The following CSMD1 variants were observed in gnomAD, a reference collection of about 807,000 sequenced individuals.
CSMD1 encodes the protein CUB and Sushi multiple domains 1.
A neutral mutation model predicts 417.5 loss-of-function variants in CSMD1; 213 were observed. The ratio of observed to expected loss-of-function variants is 0.51; its 90% CI spans 0.46 to 0.57. CSMD1 has a LOEUF of 0.57. Among genes scored for constraint, CSMD1 ranks in the 20% least tolerant of loss-of-function variants. The pLI is 0.00. For synonymous variants in CSMD1, 2,862 were observed against 1,736.8 expected (o/e 1.65, Z -16.11); for missense variants, 6,923 against 4,529.7 (o/e 1.53, Z -15.17).
At chr8:3,985,644 C>T (rs559603250) in intron 5 of CSMD1, among the ~76,000 whole-genome samples, 1 of 152,126 alleles carries the variant, frequency 6.6e-6, no homozygotes. Flanking sequence ...CCGTTGCACT[C>T]ACAGAAGCTT....
intron 1 of CSMD1, among the ~76,000 whole-genome samples, chr8:4,952,350 C>CATGAGAAA (rs1554529578): frequency 2.7e-5 from 4 of 150,354 alleles, no homozygotes; most frequent in Admixed American, 6.7e-5. Flanking sequence ...ATAAGTGAAA[C>CATGAGAAA]TGAATAATGT....
At chr8:3,962,403 G>A (rs1812390475) in intron 5 of CSMD1, among the ~76,000 whole-genome samples, 1 of 152,172 alleles carries the variant, frequency 6.6e-6, no homozygotes. Flanking sequence ...ACGCAGTCCT[G>A]AATTCAAGGT....
intron 4 of CSMD1, among the ~76,000 whole-genome samples, chr8:4,027,583 G>T (rs1040367094): frequency 6.6e-6 from 1 of 152,052 alleles, no homozygotes; most frequent in Non-Finnish European, 1.5e-5. Context: ...TGGTTCCTGA[G>T]GCCTCCGCAG....
intron 5 of CSMD1, among the ~76,000 whole-genome samples, chr8:3,903,597 G>A (rs144013070): frequency 5.3e-5 from 8 of 152,180 alleles, no homozygotes; most frequent in African/African-American, 1.4e-4. Flanking sequence ...TTCATACTTA[G>A]TTCACTACTC....
At chr8:2,972,991 G>A (rs753290219) in intron 57 of CSMD1, 126 bp downstream of exon 57, 12 of 908,062 alleles carry the variant, frequency 1.3e-5, no homozygotes, top group South Asian at 1.2e-4. Flanking sequence ...AAATATTGCG[G>A]GGAAAAGATT....
At chr8:4,652,884 A>ATC in intron 1 of CSMD1, among the ~76,000 whole-genome samples, 3 of 151,480 alleles carry the variant, frequency 2.0e-5, no homozygotes, top group African/African-American at 7.3e-5. Flanking sequence ...ATGCTCCTGT[A>ATC]AGAATCTAAC....
At chr8:3,496,850 A>G (rs576948973) in intron 10 of CSMD1, among the ~76,000 whole-genome samples, 18 of 152,236 alleles carry the variant, frequency 1.2e-4, no homozygotes, top group African/African-American at 3.4e-4. Context: ...TTATGTTTAA[A>G]TTTTGTTCTT....
intron 65 of CSMD1, among the ~76,000 whole-genome samples, chr8:2,951,717 T>C (rs921949495): frequency 2.0e-5 from 3 of 152,160 alleles, no homozygotes; most frequent in African/African-American, 7.2e-5. Context: ...CTGATATATA[T>C]AATACGAGAG....
intron 3 of CSMD1, among the ~76,000 whole-genome samples, chr8:4,272,168 G>A (rs1193126956): frequency 2.0e-5 from 3 of 151,978 alleles, no homozygotes; most frequent in Admixed American, 1.3e-4. Context: ...CAGCATGCTG[G>A]TACAGCTAGT....
intron 5 of CSMD1, among the ~76,000 whole-genome samples, chr8:3,866,139 C>A (rs1287706418): frequency 6.6e-6 from 1 of 152,172 alleles, no homozygotes; most frequent in Non-Finnish European, 1.5e-5. Context: ...TATGAATACT[C>A]TGAAGATATA....
At chr8:3,814,845 C>T (rs1002603261) in intron 5 of CSMD1, among the ~76,000 whole-genome samples, 2 of 152,124 alleles carry the variant, frequency 1.3e-5, no homozygotes, top group Non-Finnish European at 2.9e-5. Context: ...GAAGCGGACT[C>T]CTTCATACTA....
chr8:3,519,844 C>G (rs1323019207), intron 10 of CSMD1, among the ~76,000 whole-genome samples: 1 of 152,088 alleles, frequency 6.6e-6, no homozygotes, highest in African/African-American at 2.4e-5. Context: ...TATCAACCAT[C>G]CCATCAACCT....
At chr8:3,691,139 G>A (rs1172619829) in intron 7 of CSMD1, among the ~76,000 whole-genome samples, 1 of 152,092 alleles carries the variant, frequency 6.6e-6, no homozygotes, top group African/African-American at 2.4e-5. Flanking sequence ...GGCCGGGGCA[G>A]GCGGATCACC....
chr8:4,719,600 A>T (rs1423594056), intron 1 of CSMD1, among the ~76,000 whole-genome samples: 1 of 148,700 alleles, frequency 6.7e-6, no homozygotes, highest in Non-Finnish European at 1.5e-5. Context: ...GAACTTTGGG[A>T]TGGTAAGGTC....
intron 2 of CSMD1, among the ~76,000 whole-genome samples, chr8:4,485,133 C>T (rs1351602725): frequency 1.3e-5 from 2 of 151,694 alleles, no homozygotes; most frequent in East Asian, 2.0e-4. Flanking sequence ...ATAAGGTCTT[C>T]GGCATAGGCT....
chr8:4,661,698 A>G (rs1214139999), intron 1 of CSMD1, among the ~76,000 whole-genome samples: 1 of 152,222 alleles, frequency 6.6e-6, no homozygotes, highest in East Asian at 1.9e-4. Context: ...TGGGAATGTA[A>G]AAAAGTCCCA....
intron 3 of CSMD1, among the ~76,000 whole-genome samples, chr8:4,116,662 G>A (rs756701745): frequency 6.6e-6 from 1 of 150,730 alleles, no homozygotes; most frequent in South Asian, 2.1e-4. Flanking sequence ...GTACACATCC[G>A]ACGGCGATGT....
intron 2 of CSMD1, among the ~76,000 whole-genome samples, chr8:4,541,693 C>T (rs1457517721): frequency 6.6e-6 from 1 of 152,020 alleles, no homozygotes; most frequent in South Asian, 2.1e-4. Flanking sequence ...CAAGATCTTA[C>T]CACTGCATTC....
At position 3,612,809 on chromosome 8, in the gene CSMD1, C is replaced by G. The variant is rs574214593; in HGVS notation, c.1097+3901G>C. On this transcript the variant is annotated intron_variant, in intron 8 of 69. Coordinates refer to ENST00000635120, the MANE Select transcript of CSMD1 (RefSeq NM_033225.6). The stretch of plus-strand genomic sequence containing the variant: ...AGAGGAAAATTGATAGCAGTAAATA[C>G]CCACATTTAGAAAGAATAAAGGTCT... 9.6e-4 allele frequency among the ~76,000 whole-genome samples: 146 copies of G among 152,006 alleles called. 1 individual carries two copies. The highest frequency in any genetic ancestry group is 3.2e-3 in the African/African-American group (132 of 41,500).
Sources: allele counts gnomAD v4.1 joint callset (sites outside exome capture counted in the v4.1 genomes callset), GRCh38; gene constraint gnomAD v4.1.1; transcripts MANE v1.5; gene names NCBI Gene and HGNC (gene_info 2026-07-23, HGNC 2026-07-21).